FER: variants seen among roughly 807,000 people sequenced by gnomAD.
FER encodes FER tyrosine kinase, also known as tyrosine-protein kinase Fer.
Under a neutral mutation model 111.0 loss-of-function variants are expected in FER, and 63 were observed. The ratio of observed to expected loss-of-function variants is 0.57; its 90% CI spans 0.46 to 0.70. The LOEUF is 0.70. FER is among the 30% of genes least tolerant of loss of function. FER has a pLI of 0.00. For synonymous variants in FER, 327 were observed against 313.9 expected (o/e 1.04, Z -0.44); for missense variants, 914 against 954.0 (o/e 0.96, Z 0.55).
intron 13 of FER, among the ~76,000 whole-genome samples, chr5:108,986,124 G>A (rs181611442): frequency 2.0e-5 from 3 of 151,992 alleles, no homozygotes; most frequent in East Asian, 3.9e-4. Flanking sequence ...TTTTATTATG[G>A]CCACTCTTGT....
At chr5:108,790,758 C>T (rs772060412) in intron 2 of FER, among the ~76,000 whole-genome samples, 1 of 152,148 alleles carries the variant, frequency 6.6e-6, no homozygotes, top group Non-Finnish European at 1.5e-5. Flanking sequence ...AATGTTAGAA[C>T]ATTTTCATCA....
chr5:108,834,115 T>A (rs1170539847), intron 4 of FER, among the ~76,000 whole-genome samples: 1 of 152,158 alleles, frequency 6.6e-6, no homozygotes, highest in Non-Finnish European at 1.5e-5. Flanking sequence ...TGGAAGAAAC[T>A]AGGTAATTTG....
intron 17 of FER, among the ~76,000 whole-genome samples, chr5:109,171,348 T>C (rs879673557): frequency 6.6e-6 from 1 of 152,176 alleles, no homozygotes; most frequent in Non-Finnish European, 1.5e-5. Context: ...GTGAAAACTC[T>C]GTTAATCCCT....
chr5:108,841,776 C>T (rs1761294690), intron 5 of FER: 1 of 382,256 alleles, frequency 2.6e-6, no homozygotes, highest in Admixed American at 3.5e-5. Context: ...TCTTTCTGGA[C>T]CAATGGTGTG....
At chr5:109,006,393 C>T (rs1765501249) in intron 13 of FER, among the ~76,000 whole-genome samples, 1 of 152,106 alleles carries the variant, frequency 6.6e-6, no homozygotes, top group South Asian at 2.1e-4. Context: ...AACGGGAGTT[C>T]CTCTGCAAGT....
At chr5:109,046,649 G>A (rs866733838) in intron 15 of FER, among the ~76,000 whole-genome samples, 12 of 152,224 alleles carry the variant, frequency 7.9e-5, no homozygotes, top group Middle Eastern at 3.4e-3. Context: ...ATCAGCCACA[G>A]AACAAAAATA....
At chr5:108,748,582 G>C (rs776708708) in intron 1 of FER, 2 of 152,356 alleles carry the variant, frequency 1.3e-5, no homozygotes, top group African/African-American at 4.8e-5. Context: ...GCAGGTTACC[G>C]AGGCGGGGAG....
chr5:108,967,793 A>C (rs1439924373), intron 13 of FER, among the ~76,000 whole-genome samples: 1 of 150,672 alleles, frequency 6.6e-6, no homozygotes, highest in Non-Finnish European at 1.5e-5. Flanking sequence ...ACAATTAGGA[A>C]AGGGTAGGTA....
intron 17 of FER, among the ~76,000 whole-genome samples, chr5:109,150,606 A>G (rs1754728527): frequency 6.6e-6 from 1 of 152,198 alleles, no homozygotes; most frequent in South Asian, 2.1e-4. Flanking sequence ...ATAGCATGGC[A>G]TTGGCCTGGC....
At chr5:108,807,890 A>G (rs1018625635) in intron 3 of FER, among the ~76,000 whole-genome samples, 1 of 151,760 alleles carries the variant, frequency 6.6e-6, no homozygotes, top group African/African-American at 2.4e-5. Context: ...GTCATTCTGG[A>G]GCAAGTTGTT....
intron 17 of FER, among the ~76,000 whole-genome samples, chr5:109,117,908 G>A (rs927087072): frequency 6.6e-6 from 1 of 151,854 alleles, no homozygotes; most frequent in Non-Finnish European, 1.5e-5. Flanking sequence ...AAGATTTTGG[G>A]GTGAGACGAT....
intron 16 of FER, among the ~76,000 whole-genome samples, chr5:109,091,498 C>A (rs1331564328): frequency 6.6e-6 from 1 of 152,200 alleles, no homozygotes; most frequent in African/African-American, 2.4e-5. Flanking sequence ...CAGATAACTG[C>A]CGCGGGCAAA....
At chr5:108,851,260 C>G (rs766612945) in intron 5 of FER, among the ~76,000 whole-genome samples, 18 of 152,298 alleles carry the variant, frequency 1.2e-4, no homozygotes, top group Non-Finnish European at 1.9e-4. Flanking sequence ...AGGAGAAAGT[C>G]ATGTCTTACA....
rs144053670 is a variant in FER, at chr5:109,074,054, CA to C, written c.1925-26339del. On this transcript the variant is annotated intron_variant, in intron 16 of 19. Transcript: ENST00000281092. ...TTGAAACTTGAGGTTGGCTAAAATG[CA>C]AAGAAAATAGAAATCACAGTGAAGG... Among the ~76,000 whole-genome samples, 199 of 152,060 alleles carry C rather than the reference CA, an allele frequency of 1.3e-3. 3 individuals carry two copies. The East Asian group carries it at 0.034, about 26-fold the overall frequency.
intron 17 of FER, among the ~76,000 whole-genome samples, chr5:109,167,080 A>G (rs566891655): frequency 1.8e-4 from 28 of 152,294 alleles, no homozygotes; most frequent in African/African-American, 6.7e-4. Flanking sequence ...ATGGGTTTGC[A>G]TAACTATCTC....
chr5:108,940,447 A>G (rs966616298), intron 10 of FER, among the ~76,000 whole-genome samples: 1 of 152,092 alleles, frequency 6.6e-6, no homozygotes, highest in African/African-American at 2.4e-5. Context: ...ATAAGCTACA[A>G]AATAGTAGTT....
intron 14 of FER, among the ~76,000 whole-genome samples, chr5:109,044,157 AAAAT>A (rs1269163753): frequency 6.6e-6 from 1 of 151,192 alleles, no homozygotes; most frequent in African/African-American, 2.4e-5. Context: ...CATCTCTTCT[AAAAT>A]AAATACACTA....
intron 13 of FER, among the ~76,000 whole-genome samples, chr5:108,990,567 G>A (rs541277700): frequency 6.6e-6 from 1 of 151,604 alleles, no homozygotes; most frequent in Non-Finnish European, 1.5e-5. Context: ...AGAAAATGAA[G>A]GAAATTGATG....
chr5:108,766,322 G>T (rs866896561), intron 1 of FER, among the ~76,000 whole-genome samples: 16 of 152,296 alleles, frequency 1.1e-4, no homozygotes, highest in South Asian at 2.1e-4. Context: ...TTACACCAAA[G>T]TGTACAAATC....
Sources: gnomAD v4.1 joint callset for allele counts (sites outside exome capture counted in the v4.1 genomes callset) on GRCh38, gnomAD v4.1.1 for gene constraint, MANE v1.5 for transcripts, NCBI Gene and HGNC (gene_info 2026-07-23, HGNC 2026-07-21) for gene names.